PRKCE: variants seen among roughly 807,000 people sequenced by gnomAD.
PRKCE encodes the protein protein kinase C epsilon type.
A neutral mutation model predicts 85.4 loss-of-function variants in PRKCE; 16 were observed. That is an observed-to-expected ratio of 0.19 (90% confidence interval 0.13 to 0.28). The LOEUF is 0.28. Among genes scored for constraint, PRKCE ranks in the 10% least tolerant of loss-of-function variants. The probability of loss-of-function intolerance (pLI) is 1.00; values close to 1 mark genes in which losing one functional copy is unlikely to be tolerated. For synonymous variants in PRKCE, 388 were observed against 371.5 expected, an observed-to-expected ratio of 1.04 and a Z score of -0.51; for missense variants, 573 against 975.2, an observed-to-expected ratio of 0.59 and a Z score of 5.49.
intron 2 of PRKCE, among the ~76,000 whole-genome samples, chr2:45,879,725 CCT>C (rs1694744671): frequency 1.3e-5 from 2 of 152,200 alleles, no homozygotes; most frequent in African/African-American, 4.8e-5. Flanking sequence ...GGGAGGCACT[CCT>C]GTCACGAGGC....
At chr2:45,871,290 A>G (rs1296741815) in intron 2 of PRKCE, among the ~76,000 whole-genome samples, 2 of 152,218 alleles carry the variant, frequency 1.3e-5, no homozygotes, top group Non-Finnish European at 2.9e-5. Context: ...GTGAAAACAA[A>G]CGGAAGGTCA....
chr2:46,027,406 G>A (rs952570139), intron 10 of PRKCE, among the ~76,000 whole-genome samples: 5 of 152,272 alleles, frequency 3.3e-5, no homozygotes, highest in Non-Finnish European at 5.9e-5. Flanking sequence ...GACTGAATGA[G>A]GATGGGGAGA....
intron 1 of PRKCE, among the ~76,000 whole-genome samples, chr2:45,742,437 G>GAA (rs34942363): frequency 1.4e-5 from 2 of 140,206 alleles, no homozygotes; most frequent in Admixed American, 7.1e-5. Flanking sequence ...TCTCTAAAAA[G>GAA]AAAAAAAAAA....
chr2:45,965,136 A>T (rs1701648611), intron 2 of PRKCE, among the ~76,000 whole-genome samples: 1 of 152,228 alleles, frequency 6.6e-6, no homozygotes, highest in South Asian at 2.1e-4. Flanking sequence ...GAAGATACAG[A>T]TAGCATCGAA....
intron 1 of PRKCE, among the ~76,000 whole-genome samples, chr2:45,660,236 C>A (rs1675576038): frequency 6.6e-6 from 1 of 152,084 alleles, no homozygotes; most frequent in Admixed American, 6.5e-5. Flanking sequence ...CTTAAACAAT[C>A]CTTCTGTACA....
chr2:46,129,798 T>C lies in PRKCE; in HGVS notation c.1593-15295T>C, dbSNP rs542535738. 1.2e-4 allele frequency among the ~76,000 whole-genome samples: 18 copies of C among 152,364 alleles called. No individual in the cohort carries two copies. In the Middle Eastern group the frequency reaches 0.014, roughly 115 times the overall value. ...TTGCAGATTGGAAGCTGCTGAGTTA[T>C]GTTGTAAGACTCGCTGGGAAATGCT... On this transcript the variant is annotated intron_variant, in intron 11 of 14. Coordinates refer to ENST00000306156, the MANE Select transcript of PRKCE (RefSeq NM_005400.3).
rs1671386319 is a variant in PRKCE at position 46,103,061 on chromosome 2, G to A, written c.1592+16699G>A. ...TTATTTAGAATTCTTCCACCCATGT[G>A]CATTGTCTCCTCCACCATTATATAT... On this transcript the variant is annotated intron_variant, in intron 11 of 14. Transcript: ENST00000306156. 2.0e-5 allele frequency among the ~76,000 whole-genome samples: 3 copies of A among 152,150 alleles called. No individual in the cohort carries two copies. In the South Asian group the frequency reaches 6.2e-4, roughly 32 times the overall value.
chr2:46,003,040 G>C (rs1704834578), intron 7 of PRKCE, among the ~76,000 whole-genome samples: 1 of 152,250 alleles, frequency 6.6e-6, no homozygotes, highest in Non-Finnish European at 1.5e-5. Flanking sequence ...AGCCAACATG[G>C]AGAAATTCAA....
intron 10 of PRKCE, among the ~76,000 whole-genome samples, chr2:46,027,815 G>A (rs372641004): frequency 1.0e-3 from 153 of 152,298 alleles, no homozygotes; most frequent in African/African-American, 3.4e-3. Flanking sequence ...AGAATGAAGC[G>A]TAGTCCCTAT....
At chr2:45,659,990 T>A (rs546249671) in intron 1 of PRKCE, among the ~76,000 whole-genome samples, 29 of 152,204 alleles carry the variant, frequency 1.9e-4, no homozygotes, top group Admixed American at 2.0e-4. Flanking sequence ...CCCAAAACAG[T>A]GCCTGGCACT....
intron 11 of PRKCE, among the ~76,000 whole-genome samples, chr2:46,101,827 G>A (rs1671257375): frequency 7.7e-6 from 1 of 130,714 alleles, no homozygotes; most frequent in African/African-American, 3.0e-5. Context: ...GGACTCTAGT[G>A]TTTTGGTGGT....
At chr2:46,089,976 G>C (rs1426649739) in intron 11 of PRKCE, among the ~76,000 whole-genome samples, 1 of 152,112 alleles carries the variant, frequency 6.6e-6, no homozygotes, top group African/African-American at 2.4e-5. Context: ...TTGCATCCAA[G>C]ATCTGACTGC....
At chr2:46,176,260 C>T (rs1012848327) in intron 14 of PRKCE, among the ~76,000 whole-genome samples, 34 of 152,208 alleles carry the variant, frequency 2.2e-4, no homozygotes, top group African/African-American at 7.5e-4. Flanking sequence ...ATGCCCAGAC[C>T]AGATCCCAAA....
At chr2:46,030,894 G>A (rs145874817) in intron 10 of PRKCE, among the ~76,000 whole-genome samples, 161 of 152,206 alleles carry the variant, frequency 1.1e-3, no homozygotes, top group African/African-American at 3.0e-3. Flanking sequence ...GACAGTTTTC[G>A]TTACGTGTTT....
intron 2 of PRKCE, among the ~76,000 whole-genome samples, chr2:45,889,277 G>A (rs903634168): frequency 2.6e-5 from 4 of 152,182 alleles, no homozygotes; most frequent in African/African-American, 7.2e-5. Flanking sequence ...GGAGAAAGCC[G>A]ACTCCACCTT....
intron 2 of PRKCE, among the ~76,000 whole-genome samples, chr2:45,929,649 A>G (rs1698887126): frequency 6.6e-6 from 1 of 152,132 alleles, no homozygotes; most frequent in Admixed American, 6.5e-5. Context: ...TGCCCTGGAA[A>G]TTGGTTACCA....
At chr2:45,733,976 G>C (rs530513623) in intron 1 of PRKCE, among the ~76,000 whole-genome samples, 3 of 152,316 alleles carry the variant, frequency 2.0e-5, no homozygotes, top group Middle Eastern at 3.4e-3. Flanking sequence ...GAAGGCAGGG[G>C]CCATCTCACA....
intron 1 of PRKCE, chr2:45,701,626 AGAG>A (rs906026452): frequency 6.6e-6 from 1 of 152,232 alleles, no homozygotes; most frequent in Non-Finnish European, 1.5e-5. Context: ...CCTGAAGTAC[AGAG>A]GAGGGCACCC....
intron 2 of PRKCE, among the ~76,000 whole-genome samples, chr2:45,959,082 C>T (rs1028202243): frequency 2.0e-5 from 3 of 151,584 alleles, no homozygotes; most frequent in African/African-American, 7.3e-5. Context: ...TAGAAATCAA[C>T]TGGAGTTCTC....
Sources: allele counts gnomAD v4.1 joint callset (sites outside exome capture counted in the v4.1 genomes callset), GRCh38; gene constraint gnomAD v4.1.1; transcripts MANE v1.5; gene names NCBI Gene and HGNC (gene_info 2026-07-23, HGNC 2026-07-21).